The following RALYL variants were observed in gnomAD, a reference collection of about 807,000 sequenced individuals.
RALYL encodes the protein RALY RNA binding protein like.
In RALYL, 29 loss-of-function variants were observed where a neutral mutation model predicts 35.1. That is an observed-to-expected ratio of 0.83 (90% CI 0.61 to 1.13). The LOEUF is 1.13. Among genes scored for constraint, RALYL ranks in the 50% most tolerant of loss-of-function variants. The pLI is 0.00. For synonymous variants in RALYL, 120 were observed against 127.6 expected, an observed-to-expected ratio of 0.94 and a Z score of 0.40; for missense variants, 359 against 360.4, an observed-to-expected ratio of 1.00 and a Z score of 0.03.
chr8:84,883,531 T>C (rs1278360790), intron 7 of RALYL, among the ~76,000 whole-genome samples: 1 of 151,972 alleles, frequency 6.6e-6, no homozygotes, highest in Non-Finnish European at 1.5e-5. Flanking sequence ...GGAAACCCCT[T>C]ATAAAACCAT....
At chr8:84,778,511 A>G (rs1817379257) in intron 3 of RALYL, among the ~76,000 whole-genome samples, 1 of 152,242 alleles carries the variant, frequency 6.6e-6, no homozygotes, top group Non-Finnish European at 1.5e-5. Context: ...CTTCTGTAAG[A>G]GAATAAATGA....
chr8:84,654,548 T>C (rs1046287467), intron 2 of RALYL, among the ~76,000 whole-genome samples: 1 of 151,904 alleles, frequency 6.6e-6, no homozygotes, highest in Non-Finnish European at 1.5e-5. Context: ...AACTATTTTC[T>C]GTACCCATTA....
chr8:84,293,481 C>A (rs1247331036), intron 1 of RALYL, among the ~76,000 whole-genome samples: 8 of 152,044 alleles, frequency 5.3e-5, no homozygotes, highest in Non-Finnish European at 1.2e-4. Flanking sequence ...TTCTACACAT[C>A]ACCTCTTGGC....
At chr8:84,560,223 C>A (rs1444176451) in intron 2 of RALYL, among the ~76,000 whole-genome samples, 1 of 151,836 alleles carries the variant, frequency 6.6e-6, no homozygotes, top group Non-Finnish European at 1.5e-5. Context: ...GGTTACCAAT[C>A]TATCTCTTGG....
intron 1 of RALYL, among the ~76,000 whole-genome samples, chr8:84,495,062 A>G (rs2055849648): frequency 6.6e-6 from 1 of 152,062 alleles, no homozygotes; most frequent in African/African-American, 2.4e-5. Flanking sequence ...TAATTTTGAG[A>G]TATGTTCCAT....
At chr8:84,405,476 A>C (rs2043377171) in intron 1 of RALYL, among the ~76,000 whole-genome samples, 1 of 152,150 alleles carries the variant, frequency 6.6e-6, no homozygotes, top group Non-Finnish European at 1.5e-5. Context: ...ACTAATAAAG[A>C]AGAAAAGAGA....
At chr8:84,312,362 T>C (rs1465848953) in intron 1 of RALYL, among the ~76,000 whole-genome samples, 3 of 152,184 alleles carry the variant, frequency 2.0e-5, no homozygotes, top group Non-Finnish European at 4.4e-5. Context: ...TCTTTTCACA[T>C]TTCAAAACCA....
chr8:84,317,546 T>G (rs1476388550), intron 1 of RALYL, among the ~76,000 whole-genome samples: 1 of 152,154 alleles, frequency 6.6e-6, no homozygotes, highest in African/African-American at 2.4e-5. Flanking sequence ...AGACTTTTCA[T>G]CCGTCAGAAT....
rs529944656 is a variant in RALYL at position 84,427,725 on chromosome 8, G to A, written c.-23-101574G>A. ...CTCCTGTTCTACTGCTATCTGAGAC[G>A]CGTTCTTTAAGTAACCTAGCCAGGT... On this transcript the variant is annotated intron_variant, in intron 1 of 8. Transcript: ENST00000521268. Among the ~76,000 whole-genome samples the A allele has an allele frequency of 4.8e-4, 73 of 152,146 alleles. 2 individuals are homozygous for A. Among genetic ancestry groups the A allele is most frequent in the South Asian group, 3.5e-3 (17 of 4,822 alleles).
intron 2 of RALYL, among the ~76,000 whole-genome samples, chr8:84,722,267 T>C (rs974124052): frequency 3.3e-5 from 5 of 152,054 alleles, no homozygotes; most frequent in African/African-American, 1.2e-4. Flanking sequence ...CATTTTATAT[T>C]CTGGACTTGG....
At chr8:84,261,073 A>G (rs759960485) in intron 1 of RALYL, among the ~76,000 whole-genome samples, 1 of 149,034 alleles carries the variant, frequency 6.7e-6, no homozygotes, top group Non-Finnish European at 1.5e-5. Context: ...GGTTTGTCCC[A>G]CTAACTTTGT....
chr8:84,867,191 T>C (rs975242702), intron 6 of RALYL, among the ~76,000 whole-genome samples: 1 of 152,144 alleles, frequency 6.6e-6, no homozygotes, highest in Non-Finnish European at 1.5e-5. Flanking sequence ...TCTAATAAAT[T>C]TCCTCTTGTT....
intron 8 of RALYL, among the ~76,000 whole-genome samples, chr8:84,916,929 C>T (rs3958100): frequency 1.1e-4 from 17 of 151,284 alleles, no homozygotes; most frequent in Admixed American, 3.3e-4. Flanking sequence ...ATTTGGTAAA[C>T]AAAGTTAAAT....
chr8:84,610,454 A>T (rs1341063824), intron 2 of RALYL, among the ~76,000 whole-genome samples: 2 of 152,106 alleles, frequency 1.3e-5, no homozygotes, highest in Non-Finnish European at 2.9e-5. Flanking sequence ...AAGGATACAT[A>T]TATCCTTTAT....
chr8:84,325,309 G>A (rs568886303), intron 1 of RALYL, among the ~76,000 whole-genome samples: 1 of 152,222 alleles, frequency 6.6e-6, no homozygotes, highest in Admixed American at 6.5e-5. Flanking sequence ...CTGAATTATA[G>A]ATTTCCCTGA....
Position 84,344,891 on chromosome 8 carries a change from C to T in RALYL, c.-24+160467C>T, listed in dbSNP as rs138429632. Reference sequence around the variant, plus strand: ...ATAGAATTTCCTTCTTTTTTCAAGGCTGAGTAATATTACATTGAGCTTACA... The same window carrying T: ...ATAGAATTTCCTTCTTTTTTCAAGGTTGAGTAATATTACATTGAGCTTACA... On this transcript the variant is annotated intron_variant, in intron 1 of 8. Coordinates refer to ENST00000521268, the MANE Select transcript of RALYL (RefSeq NM_173848.7). 3.4e-4 allele frequency among the ~76,000 whole-genome samples: 52 copies of T among 152,110 alleles called. 1 individual carries two copies. The East Asian group carries it at 9.7e-3, about 28-fold the overall frequency.
intron 1 of RALYL, among the ~76,000 whole-genome samples, chr8:84,469,055 T>G (rs2052248081): frequency 6.6e-6 from 1 of 152,138 alleles, no homozygotes; most frequent in African/African-American, 2.4e-5. Context: ...CTAAATTTTT[T>G]TTCAAAGTTT....
chr8:84,367,318 A>ATTTGTTTTTGTTTTTGTTTTTTTTT (rs756622990), intron 1 of RALYL, among the ~76,000 whole-genome samples: 3 of 27,400 alleles, frequency 1.1e-4, no homozygotes, highest in Non-Finnish European at 2.0e-4. Context: ...TAATTTTTGT[A>ATTTGTTTTTGTTTTTGTTTTTTTTT]TTTTTTTTTT....
intron 2 of RALYL, among the ~76,000 whole-genome samples, chr8:84,706,372 T>C (rs1489019394): frequency 6.6e-6 from 1 of 152,162 alleles, no homozygotes; most frequent in Non-Finnish European, 1.5e-5. Context: ...AGTTCTCTTT[T>C]TTGCTTTTCT....
Sources: gnomAD v4.1 joint callset for allele counts (sites outside exome capture counted in the v4.1 genomes callset) on GRCh38, gnomAD v4.1.1 for gene constraint, MANE v1.5 for transcripts, NCBI Gene and HGNC (gene_info 2026-07-23, HGNC 2026-07-21) for gene names.